Variants in CDH12 observed in about 807,000 individuals in gnomAD.
CDH12 encodes cadherin-12.
A neutral mutation model predicts 74.1 loss-of-function variants in CDH12; 41 were observed. The ratio of observed to expected loss-of-function variants is 0.55; its 90% CI spans 0.43 to 0.72. The LOEUF is 0.72. CDH12 is among the 30% of genes least tolerant of loss of function. CDH12 has a pLI of 0.00. For synonymous variants in CDH12, 399 were observed against 355.0 expected (o/e 1.12, Z -1.39); for missense variants, 945 against 977.2 (o/e 0.97, Z 0.44).
chr5:21,770,496 C>T (rs965986703), intron 11 of CDH12, among the ~76,000 whole-genome samples: 17 of 151,660 alleles, frequency 1.1e-4, no homozygotes, highest in Admixed American at 7.9e-4. Context: ...TGGTGGTGGG[C>T]GCCTGTAATC....
At position 22,452,882 on chromosome 5, in the gene CDH12, A is replaced by C. The variant is rs1187557580; in HGVS notation, c.-427-47531T>G. ...AAGAAACTCAAACAACCTAAGAGCA[A>C]AAAAAAAAAAAAAAAAAAAAAATGA... On this transcript the variant is annotated intron_variant, in intron 2 of 14. Coordinates refer to ENST00000382254, the MANE Select transcript of CDH12 (RefSeq NM_004061.5). 5.5e-5 allele frequency among the ~76,000 whole-genome samples: 4 copies of C among 73,300 alleles called. No individual in the cohort carries two copies. The East Asian group carries it at 1.5e-3, about 27-fold the overall frequency. The allele number at this position is 73,300 out of a possible 152,430, so 48.1% of individuals were successfully genotyped here.
At chr5:22,697,394 A>G (rs1742427700) in intron 1 of CDH12, among the ~76,000 whole-genome samples, 1 of 151,894 alleles carries the variant, frequency 6.6e-6, no homozygotes, top group African/African-American at 2.4e-5. Context: ...ACACGGTGGA[A>G]CCCCGTCTCT....
chr5:22,220,069 T>C (rs1751959289), intron 3 of CDH12, among the ~76,000 whole-genome samples: 2 of 151,752 alleles, frequency 1.3e-5, no homozygotes, highest in East Asian at 1.9e-4. Flanking sequence ...CGTAAGGATG[T>C]TTCTACTAAA....
At chr5:22,175,974 A>C (rs1238918942) in intron 4 of CDH12, among the ~76,000 whole-genome samples, 2 of 152,162 alleles carry the variant, frequency 1.3e-5, no homozygotes, top group Non-Finnish European at 2.9e-5. Context: ...AAATGTGTAG[A>C]TCATTATAGG....
Position 22,396,878 on chromosome 5 carries a change from T to G in CDH12, c.-333+8379A>C, listed in dbSNP as rs144648353. On this transcript the variant is annotated intron_variant, in intron 3 of 14. Coordinates refer to ENST00000382254, the MANE Select transcript of CDH12 (RefSeq NM_004061.5). ...CTCTCCTACTGTCTGTCGTACCTCC[T>G]AAAATATGCCCAATAGCTTTTTTCT... Among the ~76,000 whole-genome samples, 1,315 of 152,290 alleles carry G rather than the reference T, an allele frequency of 8.6e-3. 19 individuals carry two copies. Among genetic ancestry groups the G allele is most frequent in the African/African-American group, 0.03 (1,242 of 41,568 alleles).
intron 4 of CDH12, among the ~76,000 whole-genome samples, chr5:22,081,707 G>A (rs1742739838): frequency 6.6e-6 from 1 of 152,114 alleles, no homozygotes; most frequent in Non-Finnish European, 1.5e-5. Flanking sequence ...TTTTGAGGTT[G>A]GACATATGAC....
intron 3 of CDH12, among the ~76,000 whole-genome samples, chr5:22,239,439 A>C (rs1259426404): frequency 6.6e-6 from 1 of 152,182 alleles, no homozygotes; most frequent in African/African-American, 2.4e-5. Flanking sequence ...TTAAAAAAAA[A>C]AGGGAGACTT....
In CDH12 at chr5:22,789,309, T is replaced by C. The variant is rs572339542; in HGVS notation, c.-523+63749A>G. ...TATAAGCAGTTAAAGCACAGCCCAG[T>C]GAAATGTTTGAAGTTCTGGAATTAA... On this transcript the variant is annotated intron_variant, in intron 1 of 14. Transcript: ENST00000382254. Among the ~76,000 whole-genome samples, 124 of 152,068 alleles carry C rather than the reference T, an allele frequency of 8.2e-4. 2 individuals carry two copies. The highest frequency in any genetic ancestry group is 1.1e-3 in the Non-Finnish European group (74 of 67,912).
intron 4 of CDH12, among the ~76,000 whole-genome samples, chr5:22,129,501 G>T (rs1291038183): frequency 2.0e-5 from 3 of 152,130 alleles, no homozygotes; most frequent in South Asian, 2.1e-4. Context: ...ATCTTAGTGG[G>T]TTTATTTCAA....
chr5:22,490,237 A>T (rs1746802313), intron 2 of CDH12, among the ~76,000 whole-genome samples: 1 of 152,186 alleles, frequency 6.6e-6, no homozygotes, highest in Admixed American at 6.5e-5. Context: ...GAAAAACACA[A>T]CTAATTTTGA....
intron 10 of CDH12, among the ~76,000 whole-genome samples, chr5:21,799,315 A>G (rs753806543): frequency 2.6e-5 from 4 of 152,160 alleles, no homozygotes; most frequent in Admixed American, 1.3e-4. Context: ...GGTTCCTCAC[A>G]ACTGCTTGCA....
intron 8 of CDH12, among the ~76,000 whole-genome samples, chr5:21,819,584 A>ATGAGTGTAT (rs1419248623): frequency 3.9e-5 from 6 of 152,022 alleles, no homozygotes; most frequent in African/African-American, 7.2e-5. Context: ...AGTGTTAGAA[A>ATGAGTGTAT]AAGTCTAAAT....
intron 1 of CDH12, among the ~76,000 whole-genome samples, chr5:22,850,481 A>G: frequency 6.6e-6 from 1 of 152,116 alleles, no homozygotes; most frequent in East Asian, 1.9e-4. Context: ...TTTGGGTACT[A>G]TTTAAGCCTA....
intron 1 of CDH12, among the ~76,000 whole-genome samples, chr5:22,535,158 CTTT>C (rs1428084818): frequency 1.3e-5 from 1 of 75,398 alleles, no homozygotes. Flanking sequence ...TTTTTTTTTT[CTTT>C]TTTTTTTTTT....
intron 4 of CDH12, among the ~76,000 whole-genome samples, chr5:22,131,160 A>C (rs71609210): frequency 6.6e-6 from 1 of 152,136 alleles, no homozygotes. Flanking sequence ...ATTCATGTAC[A>C]ACTCTATGTA....
chr5:22,788,165 A>G (rs1301025257), intron 1 of CDH12, among the ~76,000 whole-genome samples: 1 of 152,198 alleles, frequency 6.6e-6, no homozygotes, highest in Non-Finnish European at 1.5e-5. Flanking sequence ...TTTTCTTTTC[A>G]TAAATATTAT....
intron 2 of CDH12, among the ~76,000 whole-genome samples, chr5:22,425,880 A>G (rs1389418070): frequency 6.6e-6 from 1 of 152,144 alleles, no homozygotes; most frequent in Non-Finnish European, 1.5e-5. Flanking sequence ...CTGGATCGTC[A>G]ACACAAACAT....
At chr5:22,673,322 T>G (rs1741001090) in intron 1 of CDH12, among the ~76,000 whole-genome samples, 1 of 152,188 alleles carries the variant, frequency 6.6e-6, no homozygotes, top group Non-Finnish European at 1.5e-5. Flanking sequence ...AAAACAAAGG[T>G]TCTTCCTGGA....
At chr5:22,808,777 T>G (rs1300841065) in intron 1 of CDH12, among the ~76,000 whole-genome samples, 3 of 144,694 alleles carry the variant, frequency 2.1e-5, no homozygotes, top group African/African-American at 7.6e-5. Context: ...TTTTTTTTTT[T>G]TTTTTTTTTT....
Sources: allele counts gnomAD v4.1 joint callset (sites outside exome capture counted in the v4.1 genomes callset), GRCh38; gene constraint gnomAD v4.1.1; transcripts MANE v1.5; gene names NCBI Gene and HGNC (gene_info 2026-07-23, HGNC 2026-07-21).